RBM26: variants seen among roughly 807,000 people sequenced by gnomAD.
RBM26 encodes RNA-binding protein 26.
In RBM26, 30 loss-of-function variants were observed where a neutral mutation model predicts 123.6. The ratio of observed to expected loss-of-function variants is 0.24; its 90% CI spans 0.18 to 0.33. The LOEUF (loss-of-function observed/expected upper bound fraction) is 0.33. Among genes scored for constraint, RBM26 ranks in the 10% least tolerant of loss-of-function variants. RBM26 has a pLI of 1.00. For missense variants in RBM26, 947 were observed against 1,203.6 expected, an observed-to-expected ratio of 0.79 and a Z score of 3.15; for synonymous variants, 400 against 404.4, an observed-to-expected ratio of 0.99 and a Z score of 0.13.
chr13:79,353,565 C>T (rs1203345148), intron 13 of RBM26, among the ~76,000 whole-genome samples: 1 of 152,094 alleles, frequency 6.6e-6, no homozygotes, highest in Non-Finnish European at 1.5e-5. Context: ...AAAATAGTGC[C>T]AACTTCTTCT....
intron 19 of RBM26, among the ~76,000 whole-genome samples, chr13:79,336,804 G>T: frequency 6.6e-6 from 1 of 152,026 alleles, no homozygotes; most frequent in East Asian, 1.9e-4. Context: ...TTCTTTAAAA[G>T]TAAATATCAA....
At position 79,346,925 on chromosome 13, in the gene RBM26, ATTAT is replaced by A. The variant is rs548669019; in HGVS notation, c.2059-2135_2059-2132del. Among the ~76,000 whole-genome samples the A allele has an allele frequency of 4.6e-3, 704 of 152,292 alleles. 5 individuals are homozygous for A. Among genetic ancestry groups the A allele is most frequent in the African/African-American group, 0.016 (658 of 41,574 alleles). On this transcript the variant is annotated intron_variant, in intron 14 of 21. Transcript: ENST00000438737. The stretch of plus-strand genomic sequence containing the variant: ...TTGTGGCCAAAAGAAAAAACTCCTA[ATTAT>A]TTAAGTGTGAAACAATGAATATCGT...
chr13:79,319,914 T>TA lies in RBM26; in HGVS notation c.*706_*707insT. ...AATTTTTTTCTTTTCTTTTTTCTTT[T>TA]CTTTTTTTTTTTAAATCAAGGAACA... is the stretch of plus-strand genomic sequence containing the variant. On this transcript the variant is annotated 3_prime_UTR_variant, in exon 22 of 22. Coordinates refer to ENST00000438737, the MANE Select transcript of RBM26 (RefSeq NM_001366735.2). The TA allele has an allele frequency of 1.1e-6, 1 of 933,656 alleles. No individual in the cohort carries two copies. The highest frequency in any genetic ancestry group is 4.9e-5 in the South Asian group (1 of 20,212). The allele number at this position is 933,656 out of a possible 1,614,324, so 57.8% of individuals were successfully genotyped here. A position where few individuals can be genotyped will look rare whatever the true frequency, so the allele number is the denominator to read the frequency against.
chr13:79,349,461 T>G (rs868042224), intron 14 of RBM26, among the ~76,000 whole-genome samples: 1 of 152,100 alleles, frequency 6.6e-6, no homozygotes, highest in South Asian at 2.1e-4. Flanking sequence ...TTAAAAAACT[T>G]GCAGAGAAAT....
At chr13:79,340,121 A>G (rs2071114991) in intron 18 of RBM26, among the ~76,000 whole-genome samples, 1 of 151,934 alleles carries the variant, frequency 6.6e-6, no homozygotes, top group Non-Finnish European at 1.5e-5. Context: ...AATGGGAAAA[A>G]CACAATTTCT....
At chr13:79,361,042 T>C (rs2074616939) in intron 9 of RBM26, among the ~76,000 whole-genome samples, 1 of 152,180 alleles carries the variant, frequency 6.6e-6, no homozygotes, top group Non-Finnish European at 1.5e-5. Flanking sequence ...GAGGAGAGCA[T>C]ATACTCAATT....
At chr13:79,328,681 A>AG (rs2068805783) in intron 20 of RBM26, among the ~76,000 whole-genome samples, 4 of 134,036 alleles carry the variant, frequency 3.0e-5, no homozygotes, top group Non-Finnish European at 6.5e-5. Context: ...CCCTGCATTA[A>AG]GTAAAAAAAA....
chr13:79,400,571 A>G (rs1473093199), intron 1 of RBM26, among the ~76,000 whole-genome samples: 1 of 152,242 alleles, frequency 6.6e-6, no homozygotes, highest in African/African-American at 2.4e-5. Context: ...CTTAGCAGTA[A>G]TTAATGAAAT....
At chr13:79,312,321 T>C (rs2066917861) in exon 5 of RBM26, 1 of 152,078 alleles carries the variant, frequency 6.6e-6, no homozygotes, top group African/African-American at 2.4e-5. Flanking sequence ...TTTAGCCTTC[T>C]GAGAATGAAA....
chr13:79,322,533 C>T (rs1480995149), intron 20 of RBM26, 71 bp from the exon 21 acceptor site: 5 of 985,452 alleles, frequency 5.1e-6, no homozygotes, highest in Admixed American at 3.0e-5. Flanking sequence ...TGTCATAGTG[C>T]CTAACATTAA....
At chr13:79,324,471 T>C (rs1317128271) in intron 20 of RBM26, among the ~76,000 whole-genome samples, 1 of 151,924 alleles carries the variant, frequency 6.6e-6, no homozygotes, top group African/African-American at 2.4e-5. Context: ...TTTCACAATC[T>C]GGCCTGCTTG....
At chr13:79,375,071 T>A (rs74910625) in intron 3 of RBM26, among the ~76,000 whole-genome samples, 2 of 30,108 alleles carry the variant, frequency 6.6e-5, no homozygotes, top group African/African-American at 2.9e-4. Context: ...TTTTATATAT[T>A]TATATGATAT....
chr13:79,393,830 C>T (rs1015622287), intron 1 of RBM26, among the ~76,000 whole-genome samples: 17 of 152,140 alleles, frequency 1.1e-4, no homozygotes, highest in African/African-American at 3.6e-4. Context: ...AGCCTAAAAC[C>T]GTGCAGTGCT....
At chr13:79,356,394 A>C (rs2074016854) in intron 11 of RBM26, among the ~76,000 whole-genome samples, 1 of 146,662 alleles carries the variant, frequency 6.8e-6, no homozygotes, top group Non-Finnish European at 1.5e-5. Flanking sequence ...ACAAACAAAA[A>C]AAAACAAAAA....
chr13:79,398,717 A>C (rs1335703347), intron 1 of RBM26, among the ~76,000 whole-genome samples: 3 of 152,194 alleles, frequency 2.0e-5, no homozygotes, highest in Admixed American at 2.0e-4. Flanking sequence ...AGAAAAAAAA[A>C]ATCTGAACTT....
chr13:79,384,624 T>C (rs1043538343), intron 1 of RBM26, among the ~76,000 whole-genome samples: 13 of 152,154 alleles, frequency 8.5e-5, no homozygotes, highest in African/African-American at 2.7e-4. Context: ...TTTAAAAGCA[T>C]AGAAGTGACC....
At position 79,313,681 on chromosome 13, in the gene RBM26, A is replaced by C. The variant is rs564906313; in HGVS notation, c.*1289T>G. On this transcript the variant is annotated 3_prime_UTR_variant, in exon 5 of 5. Coordinates refer to the RBM26 transcript ENST00000449987. ...CCTTGTAAACTACTAGGTCTTTAAA[A>C]TATTAGAAGACTTTCCAAATTATGT... 3.9e-5 allele frequency: 6 copies of C among 151,942 alleles called. No individual in the cohort carries two copies. In the East Asian group the frequency reaches 1.2e-3, roughly 29 times the overall value. 9.4% of individuals were successfully genotyped at this position (151,942 alleles called of 1,614,324 possible). A position where few individuals can be genotyped will look rare whatever the true frequency, so the allele number is the denominator to read the frequency against.
At chr13:79,369,062 A>T in intron 5 of RBM26, 72 bp from the exon 6 acceptor site, 1 of 992,664 alleles carries the variant, frequency 1.0e-6, no homozygotes. Flanking sequence ...TCTAAGAAAT[A>T]GTGATATTTT....
At chr13:79,338,438 G>C (rs1237011533) in intron 18 of RBM26, among the ~76,000 whole-genome samples, 1 of 152,016 alleles carries the variant, frequency 6.6e-6, no homozygotes, top group African/African-American at 2.4e-5. Flanking sequence ...CAAAGGAGGA[G>C]CAAAGAAAAA....
Sources: allele counts gnomAD v4.1 joint callset (sites outside exome capture counted in the v4.1 genomes callset), GRCh38; gene constraint gnomAD v4.1.1; transcripts MANE v1.5; gene names NCBI Gene and HGNC (gene_info 2026-07-23, HGNC 2026-07-21).